The following ADGRL3 variants were observed in gnomAD, a reference collection of about 807,000 sequenced individuals.
The protein encoded by ADGRL3 is calcium-independent alpha-latrotoxin receptor 3.
In ADGRL3, 62 loss-of-function variants were observed where a neutral mutation model predicts 153.5. The observed-to-expected ratio is 0.40, with a 90% CI of 0.33 to 0.50. ADGRL3 has a LOEUF of 0.50. ADGRL3 is among the 20% of genes least tolerant of loss of function. ADGRL3 has a pLI of 0.47. For missense variants in ADGRL3, 1,641 were observed against 1,859.4 expected (o/e 0.88, Z 2.16); for synonymous variants, 710 against 672.5 (o/e 1.06, Z -0.86).
intron 17 of ADGRL3, among the ~76,000 whole-genome samples, chr4:61,965,420 A>G (rs1327898823): frequency 6.6e-6 from 1 of 152,188 alleles, no homozygotes; most frequent in African/African-American, 2.4e-5. Flanking sequence ...GCTTTATAAG[A>G]TAGACAATAA....
chr4:61,416,669 A>AGAATT (rs1416420560), intron 2 of ADGRL3, among the ~76,000 whole-genome samples: 1 of 152,170 alleles, frequency 6.6e-6, no homozygotes, highest in East Asian at 1.9e-4. Flanking sequence ...ATTTTAAAAA[A>AGAATT]GAATTGGTAT....
At chr4:61,838,577 T>G (rs1430031265) in intron 9 of ADGRL3, among the ~76,000 whole-genome samples, 1 of 152,196 alleles carries the variant, frequency 6.6e-6, no homozygotes, top group East Asian at 1.9e-4. Flanking sequence ...TTTGGTTTAA[T>G]AAAGATGTAC....
chr4:61,798,856 T>C (rs1363267026), intron 8 of ADGRL3, among the ~76,000 whole-genome samples: 2 of 151,252 alleles, frequency 1.3e-5, no homozygotes, highest in Non-Finnish European at 2.9e-5. Flanking sequence ...CCTCAAGTGA[T>C]CCACTAGCCT....
chr4:61,661,651 A>G (rs2150580616), intron 5 of ADGRL3, among the ~76,000 whole-genome samples: 2 of 152,260 alleles, frequency 1.3e-5, no homozygotes, highest in African/African-American at 4.8e-5. Context: ...ATTGATTAAT[A>G]TTTTATTTCT....
intron 9 of ADGRL3, among the ~76,000 whole-genome samples, chr4:61,862,977 T>C (rs997525517): frequency 2.6e-5 from 4 of 152,106 alleles, no homozygotes; most frequent in Non-Finnish European, 5.9e-5. Flanking sequence ...TGATTCTAAT[T>C]GAGTAGGCTG....
chr4:61,797,115 T>C (rs939674091), intron 8 of ADGRL3, among the ~76,000 whole-genome samples: 3 of 152,156 alleles, frequency 2.0e-5, no homozygotes, highest in Non-Finnish European at 2.9e-5. Context: ...CTTTTATCCT[T>C]ACATGGCCAA....
chr4:61,662,816 C>G lies in ADGRL3; in HGVS notation c.474-14010C>G, dbSNP rs137955957. Reference sequence around the variant, plus strand: ...ATAAAAACCCTAGGATTCAGCCTGACTTGGGCAGACGATGGAATGACCTGC... The same window carrying G: ...ATAAAAACCCTAGGATTCAGCCTGAGTTGGGCAGACGATGGAATGACCTGC... On this transcript the variant is annotated intron_variant, in intron 5 of 26. Transcript: ENST00000683033. 8.1e-4 allele frequency among the ~76,000 whole-genome samples: 124 copies of G among 152,298 alleles called. 1 individual carries two copies. In the East Asian group the frequency reaches 0.023, roughly 28 times the overall value.
At chr4:61,783,204 G>C (rs2097235492) in intron 8 of ADGRL3, among the ~76,000 whole-genome samples, 1 of 152,100 alleles carries the variant, frequency 6.6e-6, no homozygotes, top group Non-Finnish European at 1.5e-5. Context: ...AGTGGCTTAA[G>C]GGATTCTGTG....
chr4:61,881,187 C>T (rs1307423175), intron 9 of ADGRL3, among the ~76,000 whole-genome samples: 1 of 152,032 alleles, frequency 6.6e-6, no homozygotes, highest in African/African-American at 2.4e-5. Context: ...AAAATAGGGC[C>T]TTACATTTTA....
chr4:61,879,728 G>A (rs1466148), intron 9 of ADGRL3, among the ~76,000 whole-genome samples: 119,082 of 151,832 alleles, frequency 0.78, 46,954 homozygotes, highest in South Asian at 0.84. Context: ...TTAATTAATT[G>A]TTATTATTTG....
chr4:61,710,018 A>T (rs2095938089), intron 6 of ADGRL3, among the ~76,000 whole-genome samples: 1 of 152,196 alleles, frequency 6.6e-6, no homozygotes, highest in Non-Finnish European at 1.5e-5. Flanking sequence ...GATTTTGTTA[A>T]CATAGAAAAC....
At chr4:61,529,796 G>A (rs149496637) in intron 4 of ADGRL3, among the ~76,000 whole-genome samples, 40 of 151,912 alleles carry the variant, frequency 2.6e-4, no homozygotes, top group African/African-American at 9.4e-4. Flanking sequence ...TTTGAAATGT[G>A]CAAAATTAAA....
In ADGRL3 at chr4:61,736,067, A is replaced by G. The variant is rs566882879; in HGVS notation, c.1399+2513A>G. On this transcript the variant is annotated intron_variant, in intron 8 of 26. Transcript: ENST00000683033. ...TATATGCTTTTTGTACTATACATAT[A>G]TGTATAAATGTATAGTCATATGTGT... is the stretch of plus-strand genomic sequence containing the variant. 5.1e-4 allele frequency among the ~76,000 whole-genome samples: 78 copies of G among 152,204 alleles called. 2 individuals carry two copies. The South Asian group carries it at 0.012, about 24-fold the overall frequency.
intron 16 of ADGRL3, 38 bp from the exon 17 acceptor site, chr4:61,948,062 A>G: frequency 6.5e-7 from 1 of 1,542,412 alleles, no homozygotes; most frequent in Non-Finnish European, 8.9e-7. Flanking sequence ...ATGATCATAA[A>G]GTAGTTGTTG....
At chr4:61,398,204 T>C (rs543411590) in intron 2 of ADGRL3, among the ~76,000 whole-genome samples, 2 of 151,890 alleles carry the variant, frequency 1.3e-5, no homozygotes, top group African/African-American at 4.8e-5. Flanking sequence ...GAAAGAAATA[T>C]GATTAAAGAG....
At chr4:61,882,473 C>A (rs993360332) in intron 9 of ADGRL3, among the ~76,000 whole-genome samples, 1 of 152,180 alleles carries the variant, frequency 6.6e-6, no homozygotes, top group Non-Finnish European at 1.5e-5. Flanking sequence ...CTCTTCAACA[C>A]AACAACTCAA....
At chr4:61,923,555 T>C (rs1219189855) in intron 13 of ADGRL3, among the ~76,000 whole-genome samples, 3 of 152,170 alleles carry the variant, frequency 2.0e-5, no homozygotes, top group African/African-American at 7.2e-5. Flanking sequence ...GAGATGTAAA[T>C]ACTTTCAGTG....
intron 8 of ADGRL3, among the ~76,000 whole-genome samples, chr4:61,734,568 A>G (rs1412182527): frequency 1.3e-5 from 2 of 152,176 alleles, no homozygotes; most frequent in Non-Finnish European, 2.9e-5. Flanking sequence ...CACTATCACA[A>G]GAACAGCACA....
rs1405764343 is a variant in ADGRL3 at position 61,418,475 on chromosome 4, T to G, written c.-174+35286T>G. Among the ~76,000 whole-genome samples the G allele has an allele frequency of 1.4e-5, 2 of 142,956 alleles. 1 individual carries two copies. The highest frequency in any genetic ancestry group is 5.6e-5 in the African/African-American group (2 of 35,448). 93.8% of individuals were successfully genotyped at this position (142,956 alleles called of 152,430 possible). On this transcript the variant is annotated intron_variant, in intron 2 of 26. Coordinates refer to ENST00000683033, the MANE Select transcript of ADGRL3 (RefSeq NM_001387552.1). ...GATAAAATTTTGTTTGGGGTCATCT[T>G]GTGTGCATTTCTTCTGTATCTTCAG...
Sources: gnomAD v4.1 joint callset for allele counts (sites outside exome capture counted in the v4.1 genomes callset) on GRCh38, gnomAD v4.1.1 for gene constraint, MANE v1.5 for transcripts, NCBI Gene and HGNC (gene_info 2026-07-23, HGNC 2026-07-21) for gene names.